ACTR3: variants seen among roughly 807,000 people sequenced by gnomAD.
ACTR3 encodes the protein actin-related protein 3.
ACTR3 carries 12 observed loss-of-function variants against 56.8 expected under a neutral mutation model. The observed-to-expected ratio is 0.21, with a 90% confidence interval of 0.14 to 0.34. The LOEUF (loss-of-function observed/expected upper bound fraction) is 0.34, where lower values mean the gene tolerates loss of function less well. Ranked by LOEUF, ACTR3 falls within the 10% of genes least tolerant of loss-of-function variation. The pLI, the probability that ACTR3 is intolerant of heterozygous loss-of-function variation, is 1.00. For missense variants in ACTR3, 282 were observed against 512.5 expected (o/e 0.55, Z 4.34); for synonymous variants, 162 against 167.4 (o/e 0.97, Z 0.25).
At chr2:113,895,858 A>T (rs1405216489) in intron 1 of ACTR3, among the ~76,000 whole-genome samples, 1 of 152,026 alleles carries the variant, frequency 6.6e-6, no homozygotes, top group Non-Finnish European at 1.5e-5. Flanking sequence ...TGTATACCTT[A>T]TAGGTTTTTT....
At chr2:113,955,344 A>G (rs933787347) in intron 10 of ACTR3, 1 of 240,684 alleles carries the variant, frequency 4.2e-6, no homozygotes, top group African/African-American at 2.2e-5. Flanking sequence ...TTTAGTATGT[A>G]AAACACTAAC....
chr2:113,913,291 G>A (rs542010315), intron 2 of ACTR3, 64 bp downstream of exon 2: 1 of 1,198,306 alleles, frequency 8.3e-7, no homozygotes, highest in African/African-American at 1.6e-5. Flanking sequence ...AATAATTTAA[G>A]TAAAAGAAGT....
intron 2 of ACTR3, among the ~76,000 whole-genome samples, chr2:113,916,577 TAC>T (rs1679408996): frequency 6.6e-6 from 1 of 152,162 alleles, no homozygotes; most frequent in East Asian, 1.9e-4. Flanking sequence ...TTGGTGGGAT[TAC>T]AGTTTTACTG....
At chr2:113,904,506 A>G (rs903393493) in intron 1 of ACTR3, 1 of 152,104 alleles carries the variant, frequency 6.6e-6, no homozygotes, top group South Asian at 2.1e-4. Flanking sequence ...CTTGTTAAAC[A>G]TTTGTTTTTC....
intron 2 of ACTR3, among the ~76,000 whole-genome samples, chr2:113,914,991 C>T (rs1197027921): frequency 1.3e-5 from 2 of 152,120 alleles, no homozygotes; most frequent in African/African-American, 2.4e-5. Context: ...TATGTCAATA[C>T]GTTGATTGTT....
At chr2:113,915,936 T>C (rs1220292906) in intron 2 of ACTR3, among the ~76,000 whole-genome samples, 2 of 152,240 alleles carry the variant, frequency 1.3e-5, no homozygotes, top group Non-Finnish European at 2.9e-5. Context: ...AGTATTGATA[T>C]TTGATCTGGA....
At chr2:113,912,289 G>A (rs757085722) in intron 1 of ACTR3, among the ~76,000 whole-genome samples, 1 of 152,026 alleles carries the variant, frequency 6.6e-6, no homozygotes, top group African/African-American at 2.4e-5. Flanking sequence ...TTTGAATATG[G>A]AATAATATAA....
chr2:113,914,271 T>C (rs1040027818), intron 2 of ACTR3, among the ~76,000 whole-genome samples: 1 of 152,172 alleles, frequency 6.6e-6, no homozygotes, highest in Non-Finnish European at 1.5e-5. Flanking sequence ...GTCAACTGTT[T>C]TGTCATTTGT....
At chr2:113,916,782 C>T in intron 2 of ACTR3, 102 bp from the exon 3 acceptor site, 3 of 937,820 alleles carry the variant, frequency 3.2e-6, no homozygotes, top group South Asian at 2.9e-5. Context: ...TAGGCTAGGT[C>T]ATGTTTTACT....
chr2:113,920,988 G>A (rs1250674018), intron 3 of ACTR3, among the ~76,000 whole-genome samples: 9 of 152,172 alleles, frequency 5.9e-5, no homozygotes, highest in African/African-American at 1.9e-4. Flanking sequence ...ATACCCAATA[G>A]TAGGATGGCT....
chr2:113,951,926 TG>T (rs1680127939), intron 10 of ACTR3, 81 bp downstream of exon 10: 1 of 1,558,970 alleles, frequency 6.4e-7, no homozygotes, highest in Non-Finnish European at 8.7e-7. Flanking sequence ...GCATTCACTC[TG>T]ATTTAGAAAA....
intron 1 of ACTR3, among the ~76,000 whole-genome samples, chr2:113,897,515 G>GTATTTTTTTTTTTTT (rs1559454475): frequency 7.5e-6 from 1 of 134,110 alleles, no homozygotes; most frequent in Non-Finnish European, 1.6e-5. Flanking sequence ...GTGGCCAGAT[G>GTATTTTTTTTTTTTT]TTATTTTTTT....
intron 8 of ACTR3, among the ~76,000 whole-genome samples, chr2:113,948,876 T>C (rs954799195): frequency 1.3e-5 from 2 of 151,644 alleles, no homozygotes; most frequent in African/African-American, 2.4e-5. Context: ...GTTCCCAGTA[T>C]AGAGTTGCCA....
chr2:113,892,621 T>A, intron 1 of ACTR3, among the ~76,000 whole-genome samples: 1 of 152,230 alleles, frequency 6.6e-6, no homozygotes, highest in East Asian at 1.9e-4. Context: ...AAGTATGGCC[T>A]TAACAGGGAG....
chr2:113,908,673 C>T (rs545134779), intron 1 of ACTR3, among the ~76,000 whole-genome samples: 1 of 151,904 alleles, frequency 6.6e-6, no homozygotes, highest in Admixed American at 6.5e-5. Context: ...CGCTTATTCT[C>T]TGAACTTTGA....
rs1454401290 is a variant in ACTR3 at position 113,959,572 on chromosome 2, CAA to C, written c.*2120_*2121del. 1 of 152,012 alleles carries C rather than the reference CAA, an allele frequency of 6.6e-6. No individual in the cohort carries two copies. The highest frequency in any genetic ancestry group is 6.6e-5 in the Admixed American group (1 of 15,244). 9.4% of individuals were successfully genotyped at this position (152,012 alleles called of 1,614,324 possible). A position where few individuals can be genotyped will look rare whatever the true frequency, so the allele number is the denominator to read the frequency against. On this transcript the variant is annotated 3_prime_UTR_variant, in exon 12 of 12. Coordinates refer to ENST00000263238, the MANE Select transcript of ACTR3 (RefSeq NM_005721.5). ...CTTACGCTTAACTTATTTGGGGAAA[CAA>C]AACTCCAGCCCTTCTTGTGTATGTT...
In ACTR3 at chr2:113,959,323, G is replaced by T. The variant is rs1283882745; in HGVS notation, c.*1868G>T. 6.6e-6 allele frequency: 1 copy of T among 151,914 alleles called. No homozygotes were observed. The highest frequency in any genetic ancestry group is 2.4e-5 in the African/African-American group (1 of 41,392). 9.4% of individuals were successfully genotyped at this position (151,914 alleles called of 1,614,324 possible). On this transcript the variant is annotated 3_prime_UTR_variant, in exon 12 of 12. Coordinates refer to ENST00000263238, the MANE Select transcript of ACTR3 (RefSeq NM_005721.5). ...CTTTTATTAAAGATCTTTTGATAAA[G>T]AACTATATTGATAAGCAGTAAAGAT... is the stretch of plus-strand genomic sequence containing the variant.
intron 10 of ACTR3, chr2:113,952,598 C>G (rs972184364): frequency 6.6e-6 from 1 of 151,996 alleles, no homozygotes; most frequent in Non-Finnish European, 1.5e-5. Context: ...AAAAGTAAAG[C>G]ACAGCACTCT....
chr2:113,934,401 C>T lies in ACTR3; in HGVS notation c.540+15C>T, dbSNP rs781086426. 8.1e-6 allele frequency: 12 copies of T among 1,478,044 alleles called. No homozygotes were observed. The highest frequency in any genetic ancestry group is 1.1e-5 in the Non-Finnish European group (12 of 1,079,016). The allele number at this position is 1,478,044 out of a possible 1,614,324, so 91.6% of individuals were successfully genotyped here. A position where few individuals can be genotyped will look rare whatever the true frequency, so the allele number is the denominator to read the frequency against. On this transcript the variant is annotated intron_variant, in intron 6 of 11. Coordinates refer to ENST00000263238, the MANE Select transcript of ACTR3 (RefSeq NM_005721.5). ...TCATTCCTGTGGTAAGGCTATTTTA[C>T]AGTTACTGAACAGAACATGAAATAA...
Sources: allele counts gnomAD v4.1 joint callset (sites outside exome capture counted in the v4.1 genomes callset), GRCh38; gene constraint gnomAD v4.1.1; transcripts MANE v1.5; gene names NCBI Gene and HGNC (gene_info 2026-07-23, HGNC 2026-07-21).